Variants in CDHR3 observed in about 807,000 individuals in gnomAD.
CDHR3 encodes cadherin related family member 3.
CDHR3 carries 79 observed loss-of-function variants against 86.6 expected under a neutral mutation model. That is an observed-to-expected ratio of 0.91 (90% confidence interval 0.76 to 1.10). The LOEUF (loss-of-function observed/expected upper bound fraction) is 1.10. CDHR3 is among the 50% of genes least tolerant of loss of function. The pLI, the probability that CDHR3 is intolerant of heterozygous loss-of-function variation, is 0.00. For missense variants in CDHR3, 1,081 were observed against 1,077.6 expected (o/e 1.00, Z -0.04); for synonymous variants, 421 against 402.4 (o/e 1.05, Z -0.55).
Position 106,032,879 on chromosome 7 carries a change from G to A in CDHR3, c.*182G>A, listed in dbSNP as rs868322073. ...TAGAAAGGGGTTTGATCACATAGTT[G>A]CGTGTTCTGAAATGATACAGGAACA... On this transcript the variant is annotated 3_prime_UTR_variant, in exon 19 of 19. Transcript: ENST00000317716. 10 of 596,526 alleles carry A rather than the reference G, an allele frequency of 1.7e-5. No homozygotes were observed. The highest frequency in any genetic ancestry group is 4.4e-4 in the Middle Eastern group (1 of 2,266). The allele number at this position is 596,526 out of a possible 1,614,324, so 37.0% of individuals were successfully genotyped here. A position where few individuals can be genotyped will look rare whatever the true frequency, so the allele number is the denominator to read the frequency against.
At chr7:106,009,903 G>A (rs1307439702) in intron 8 of CDHR3, among the ~76,000 whole-genome samples, 1 of 152,222 alleles carries the variant, frequency 6.6e-6, no homozygotes, top group Admixed American at 6.5e-5. Context: ...ACTTTGCATG[G>A]GGAGAGAAAC....
chr7:105,964,957 C>T (rs1035028089), intron 1 of CDHR3, among the ~76,000 whole-genome samples: 2 of 152,038 alleles, frequency 1.3e-5, no homozygotes, highest in Admixed American at 6.5e-5. Flanking sequence ...TCATTTGAGT[C>T]GAGGTGACTT....
chr7:106,035,167 A>C lies in CDHR3; in HGVS notation c.*2470A>C, dbSNP rs1035899921. 1.3e-5 allele frequency among the ~76,000 whole-genome samples: 2 copies of C among 152,106 alleles called. No individual in the cohort carries two copies. Among genetic ancestry groups the C allele is most frequent in the Non-Finnish European group, 2.9e-5 (2 of 68,024 alleles). Reference sequence around the variant, plus strand: ...TCCAGTGATGACAGGGCAAGAGGGAATTGTGCTTAATGGCCAGAGAAGAGA... The same window carrying C: ...TCCAGTGATGACAGGGCAAGAGGGACTTGTGCTTAATGGCCAGAGAAGAGA... On this transcript the variant is annotated 3_prime_UTR_variant, in exon 19 of 19. Coordinates refer to ENST00000317716, the MANE Select transcript of CDHR3 (RefSeq NM_152750.5).
At chr7:105,968,098 G>A (rs1034482519) in intron 1 of CDHR3, among the ~76,000 whole-genome samples, 10 of 152,190 alleles carry the variant, frequency 6.6e-5, no homozygotes, top group South Asian at 4.1e-4. Flanking sequence ...CTTTTACACC[G>A]ACCTAATATA....
chr7:106,025,930 C>A (rs1217918894), intron 15 of CDHR3, among the ~76,000 whole-genome samples: 1 of 152,126 alleles, frequency 6.6e-6, no homozygotes, highest in Admixed American at 6.5e-5. Context: ...GTGTACTGTA[C>A]TGGGATTTGG....
At chr7:105,989,262 A>C (rs1585614979) in intron 4 of CDHR3, among the ~76,000 whole-genome samples, 2 of 135,256 alleles carry the variant, frequency 1.5e-5, no homozygotes, top group African/African-American at 2.8e-5. Flanking sequence ...CTTTGAGACC[A>C]CCCTCCTCCC....
chr7:106,030,672 A>T lies in CDHR3; in HGVS notation c.2305-120A>T, dbSNP rs1838191400. ...TCCCCTGCATCTATCACAGTGCCTA[A>T]TTAAAGACTTAGAAGTCAAGAAGGC... On this transcript the variant is annotated intron_variant, in intron 17 of 18. Transcript: ENST00000317716. This position sits in a 1 kb window ranked among gnomAD's most constrained non-coding sequence, Gnocchi z 4.8. 2.3e-6 allele frequency: 2 copies of T among 852,532 alleles called. No individual in the cohort carries two copies. The highest frequency in any genetic ancestry group is 3.8e-6 in the Non-Finnish European group (2 of 522,944). The allele number at this position is 852,532 out of a possible 1,614,324, so 52.8% of individuals were successfully genotyped here.
intron 13 of CDHR3, 146 bp from the exon 14 acceptor site, chr7:106,022,052 A>C: frequency 1.0e-6 from 1 of 983,834 alleles, no homozygotes; most frequent in Non-Finnish European, 1.5e-6. Flanking sequence ...GCATATAACT[A>C]ATCCAGCTCT....
intron 8 of CDHR3, among the ~76,000 whole-genome samples, chr7:106,007,185 G>C (rs1304779498): frequency 6.6e-6 from 1 of 152,198 alleles, no homozygotes; most frequent in Non-Finnish European, 1.5e-5. Context: ...GGGACCCAGG[G>C]CCTGGCCCAT....
intron 4 of CDHR3, among the ~76,000 whole-genome samples, chr7:105,985,861 G>T (rs1216518265): frequency 6.6e-6 from 1 of 152,148 alleles, no homozygotes; most frequent in African/African-American, 2.4e-5. Flanking sequence ...TTAACCATGG[G>T]CGTGTACATG....
intron 8 of CDHR3, among the ~76,000 whole-genome samples, chr7:106,006,040 C>T (rs1206505464): frequency 6.6e-6 from 1 of 152,206 alleles, no homozygotes; most frequent in African/African-American, 2.4e-5. Flanking sequence ...GCCTCACAAT[C>T]ATGGCAGAAG....
At chr7:106,028,205 A>T (rs1035870402) in intron 16 of CDHR3, among the ~76,000 whole-genome samples, 1 of 151,956 alleles carries the variant, frequency 6.6e-6, no homozygotes, top group Non-Finnish European at 1.5e-5. Flanking sequence ...AATGCACAAA[A>T]CCCACACCTT....
chr7:105,995,560 G>A (rs1220353411), intron 5 of CDHR3, among the ~76,000 whole-genome samples: 1 of 152,146 alleles, frequency 6.6e-6, no homozygotes, highest in African/African-American at 2.4e-5. Flanking sequence ...TGTCGAGCCG[G>A]TGAAGTCCTG....
chr7:106,032,780 G>T lies in CDHR3; in HGVS notation c.*83G>T. On this transcript the variant is annotated 3_prime_UTR_variant, in exon 19 of 19. Coordinates refer to ENST00000317716, the MANE Select transcript of CDHR3 (RefSeq NM_152750.5). ...TGGGGATGGTGTGGGCATGGTGTAGGGGGGAAAATGTGGGCTGAGGGGATT... is the reference window on the plus strand; with the variant it reads ...TGGGGATGGTGTGGGCATGGTGTAGTGGGGAAAATGTGGGCTGAGGGGATT... 2.3e-5 allele frequency: 32 copies of T among 1,405,254 alleles called. No homozygotes were observed. The highest frequency in any genetic ancestry group is 3.1e-5 in the Non-Finnish European group (32 of 1,048,744). 87.0% of individuals were successfully genotyped at this position (1,405,254 alleles called of 1,614,324 possible).
intron 4 of CDHR3, among the ~76,000 whole-genome samples, chr7:105,985,453 G>A (rs909181963): frequency 2.6e-5 from 4 of 152,210 alleles, no homozygotes; most frequent in Non-Finnish European, 4.4e-5. Flanking sequence ...CGGGGAATTG[G>A]TAACACCAGG....
chr7:106,015,977 A>AT lies in CDHR3; in HGVS notation c.1383dup (p.Asp462Ter). ...AAGCCCAGAAAATGAGTTTCCTCTC[A>AT]TTTTTGATAGGCCATCCTATGTATT... On this transcript the variant is annotated frameshift_variant, in exon 11 of 19. Transcript: ENST00000317716. LOFTEE classifies it high-confidence loss of function. 6.2e-7 allele frequency: 1 copy of AT among 1,613,320 alleles called. No homozygotes were observed.
intron 5 of CDHR3, 123 bp downstream of exon 5, chr7:105,994,968 CATT>C: frequency 1.4e-6 from 1 of 729,318 alleles, no homozygotes; most frequent in South Asian, 1.7e-5. Flanking sequence ...TCTACAGCGT[CATT>C]GTAAGTTCAG....
At chr7:105,999,877 G>C (rs892329395) in intron 6 of CDHR3, among the ~76,000 whole-genome samples, 2 of 152,258 alleles carry the variant, frequency 1.3e-5, no homozygotes, top group East Asian at 1.9e-4. Flanking sequence ...TGGAGCAGTA[G>C]CTCATGGCTG....
chr7:106,013,499 C>T (rs1002031523), intron 9 of CDHR3, among the ~76,000 whole-genome samples: 4 of 152,154 alleles, frequency 2.6e-5, no homozygotes, highest in African/African-American at 7.2e-5. Flanking sequence ...CCCTCCCTGG[C>T]AACTTCAAGG....
Sources: allele counts gnomAD v4.1 joint callset (sites outside exome capture counted in the v4.1 genomes callset), GRCh38; gene constraint gnomAD v4.1.1; non-coding constraint Gnocchi (gnomAD v3.1); transcripts MANE v1.5; gene names NCBI Gene and HGNC (gene_info 2026-07-23, HGNC 2026-07-21).